PDE8B: variants seen among roughly 807,000 people sequenced by gnomAD.
PDE8B encodes phosphodiesterase 8B.
PDE8B carries 26 observed loss-of-function variants against 101.3 expected under a neutral mutation model. The ratio of observed to expected loss-of-function variants is 0.26; its 90% CI spans 0.19 to 0.36. The LOEUF (loss-of-function observed/expected upper bound fraction) is 0.36. PDE8B is among the 10% of genes least tolerant of loss of function. PDE8B has a pLI of 1.00. For synonymous variants in PDE8B, 424 were observed against 429.3 expected (o/e 0.99, Z 0.15); for missense variants, 810 against 1,163.1 (o/e 0.70, Z 4.42).
chr5:77,091,162 A>G, the PDE8B span, among the ~76,000 whole-genome samples: 1 of 152,174 alleles, frequency 6.6e-6, no homozygotes, highest in Non-Finnish European at 1.5e-5. Context: ...CTAATTAGTG[A>G]TGTCGAGTAG....
chr5:77,203,035 T>C, the PDE8B span, among the ~76,000 whole-genome samples: 23 of 152,348 alleles, frequency 1.5e-4, no homozygotes, highest in Middle Eastern at 0.01. Flanking sequence ...ATCAGTGATT[T>C]CTAATGACTA....
intron 1 of PDE8B, among the ~76,000 whole-genome samples, chr5:77,309,943 C>CTTTTTTTTTTTTTTT (rs955296324): frequency 3.5e-5 from 4 of 114,166 alleles, no homozygotes; most frequent in African/African-American, 9.9e-5. Flanking sequence ...AATCATTAAT[C>CTTTTTTTTTTTTTTT]TTTTTTTTTT....
At chr5:77,170,691 T>C in the PDE8B span, among the ~76,000 whole-genome samples, 1 of 152,226 alleles carries the variant, frequency 6.6e-6, no homozygotes, top group African/African-American at 2.4e-5. Flanking sequence ...CCGATATATA[T>C]AGAAACACAT....
chr5:77,373,039 A>C (rs1050981310), intron 10 of PDE8B, among the ~76,000 whole-genome samples: 1 of 152,170 alleles, frequency 6.6e-6, no homozygotes, highest in Non-Finnish European at 1.5e-5. Flanking sequence ...AAAAAAAAAA[A>C]AAGAATTTGT....
upstream of PDE8B, chr5:77,210,643 C>G: frequency 7.1e-6 from 7 of 981,434 alleles, no homozygotes; most frequent in Non-Finnish European, 8.5e-6. The surrounding 1 kb of genome is among the most constrained non-coding windows in gnomAD (Gnocchi z 4.9). Flanking sequence ...GGCGCCGCGG[C>G]GGGGAGGGTG....
At chr5:77,206,388 A>G (rs1236537859), upstream of PDE8B, among the ~76,000 whole-genome samples, 1 of 152,236 alleles carries the variant, frequency 6.6e-6, no homozygotes, top group Non-Finnish European at 1.5e-5. Context: ...GCTAAGGGGA[A>G]TCAGGAGTGG....
rs567806314 is a variant in PDE8B, at chr5:77,314,761, A to G, written c.399+2708A>G. On this transcript the variant is annotated intron_variant, in intron 2 of 21. Transcript: ENST00000264917. ...AATGGTGTGTTTAGCTTTTTAAGAT[A>G]CTTCTAGACCTTTCCTCAAAGTACA... 1.6e-3 allele frequency among the ~76,000 whole-genome samples: 251 copies of G among 152,150 alleles called. 2 individuals carry two copies. The highest frequency in any genetic ancestry group is 5.9e-3 in the African/African-American group (243 of 41,516).
chr5:77,333,713 C>G (rs984944622), intron 5 of PDE8B, among the ~76,000 whole-genome samples: 16 of 152,358 alleles, frequency 1.1e-4, no homozygotes, highest in Middle Eastern at 6.8e-3. Flanking sequence ...TTAGGAGAAA[C>G]AACTGGAACT....
At chr5:77,240,167 G>A (rs981535302) in intron 1 of PDE8B, among the ~76,000 whole-genome samples, 6 of 151,208 alleles carry the variant, frequency 4.0e-5, no homozygotes, top group Admixed American at 4.0e-4. Flanking sequence ...GTTTTGTTTT[G>A]TTTTGAGATG....
At chr5:77,086,979 C>CGGCCCGG in the PDE8B span, 1 of 152,254 alleles carries the variant, frequency 6.6e-6, no homozygotes, top group Admixed American at 6.5e-5. Flanking sequence ...CGGAGAAGGG[C>CGGCCCGG]AGCCCAGCGA....
the PDE8B span, chr5:77,147,139 AGATGAT>A: frequency 6.9e-5 from 21 of 305,862 alleles, no homozygotes; most frequent in East Asian, 2.5e-4. Flanking sequence ...AGGAAGATGA[AGATGAT>A]GATGATGATG....
At chr5:77,391,071 C>T (rs1409477570) in intron 10 of PDE8B, among the ~76,000 whole-genome samples, 1 of 152,168 alleles carries the variant, frequency 6.6e-6, no homozygotes, top group Non-Finnish European at 1.5e-5. Flanking sequence ...CACAGACCCA[C>T]TCATTCTGTA....
intron 17 of PDE8B, among the ~76,000 whole-genome samples, chr5:77,417,031 C>T (rs561290009): frequency 1.3e-5 from 2 of 152,168 alleles, no homozygotes; most frequent in African/African-American, 4.8e-5. Context: ...ATTCCTGCTT[C>T]TCCTTCAGGC....
chr5:77,211,106 C>T lies in PDE8B; in HGVS notation c.181C>T (p.Pro61Ser), dbSNP rs970463499. ...DAIPPSRASG[P>S]PSVARVRRAR... ...CATCCCCCCGAGCCGCGCGTCGGGA[C>T]CCCCCAGCGTAGCCCGCGTCCGCAG... is the stretch of plus-strand genomic sequence containing the variant. The change falls in exon 1 of 22, where the codon CCC becomes TCC. Residue 61 changes from proline to serine, a missense_variant. This residue lies in a region of PDE8B where 159 missense variants were observed against 146.6 expected (regional missense o/e 1.08). Transcript: ENST00000264917. This position sits in a 1 kb window ranked among gnomAD's most constrained non-coding sequence, Gnocchi z 4.1. 4.0e-6 allele frequency: 6 copies of T among 1,492,910 alleles called. No individual in the cohort carries two copies. The highest frequency in any genetic ancestry group is 2.2e-5 in the Admixed American group (1 of 45,870). The allele number at this position is 1,492,910 out of a possible 1,614,324, so 92.5% of individuals were successfully genotyped here. A position where few individuals can be genotyped will look rare whatever the true frequency, so the allele number is the denominator to read the frequency against.
the PDE8B span, among the ~76,000 whole-genome samples, chr5:77,115,736 ACGAG>A: frequency 2.0e-5 from 3 of 152,244 alleles, no homozygotes; most frequent in African/African-American, 7.2e-5. Flanking sequence ...AGTGACAGCC[ACGAG>A]TCGGCCGTTG....
At chr5:77,227,806 A>T (rs1752732404) in intron 1 of PDE8B, among the ~76,000 whole-genome samples, 1 of 152,204 alleles carries the variant, frequency 6.6e-6, no homozygotes, top group African/African-American at 2.4e-5. Context: ...GGCATCAAGC[A>T]CCTGCATTAG....
chr5:77,127,287 C>T, the PDE8B span, among the ~76,000 whole-genome samples: 1 of 152,186 alleles, frequency 6.6e-6, no homozygotes, highest in East Asian at 1.9e-4. Context: ...GGAGGTTTCC[C>T]CCATGCTGTT....
intron 20 of PDE8B, among the ~76,000 whole-genome samples, chr5:77,423,761 C>T (rs1797269649): frequency 6.7e-6 from 1 of 149,420 alleles, no homozygotes; most frequent in Non-Finnish European, 1.5e-5. Flanking sequence ...CTCAGCCTCC[C>T]AAGTAGCTGG....
Position 77,317,677 on chromosome 5 carries a change from G to A in PDE8B, c.399+5624G>A, listed in dbSNP as rs77310021. Among the ~76,000 whole-genome samples, 408 of 152,298 alleles carry A rather than the reference G, an allele frequency of 2.7e-3. 4 individuals are homozygous for A. The highest frequency in any genetic ancestry group is 9.3e-3 in the African/African-American group (386 of 41,558). On this transcript the variant is annotated intron_variant, in intron 2 of 21. Transcript: ENST00000264917. ...AACATGATACTGTCTGAAAAATCAA[G>A]TGGCCTTTTCTTCATCCATACCTGG...
Sources: allele counts gnomAD v4.1 joint callset (sites outside exome capture counted in the v4.1 genomes callset), GRCh38; gene constraint gnomAD v4.1.1; regional missense constraint gnomAD v4.1.1; non-coding constraint Gnocchi (gnomAD v3.1); transcripts MANE v1.5; gene names NCBI Gene and HGNC (gene_info 2026-07-23, HGNC 2026-07-21).